Variants in TAFA4 observed in about 807,000 individuals in gnomAD.
TAFA4 encodes TAFA chemokine like family member 4.
In TAFA4, 20 loss-of-function variants were observed where a neutral mutation model predicts 21.1. The ratio of observed to expected loss-of-function variants is 0.95; its 90% CI spans 0.67 to 1.38. The LOEUF is 1.38. Among genes scored for constraint, TAFA4 ranks in the 40% most tolerant of loss-of-function variants. The pLI, the probability that TAFA4 is intolerant of heterozygous loss-of-function variation, is 0.00. For missense variants in TAFA4, 211 were observed against 180.9 expected (o/e 1.17, Z -0.95); for synonymous variants, 71 against 67.4 (o/e 1.05, Z -0.26).
At chr3:68,842,591 T>C (rs1704690258) in intron 3 of TAFA4, among the ~76,000 whole-genome samples, 1 of 152,224 alleles carries the variant, frequency 6.6e-6, no homozygotes, top group South Asian at 2.1e-4. Context: ...CCATTGCTTT[T>C]GGTGTTTTAG....
chr3:68,877,523 CCAAT>C (rs2089564736), intron 3 of TAFA4, among the ~76,000 whole-genome samples: 1 of 152,102 alleles, frequency 6.6e-6, no homozygotes, highest in African/African-American at 2.4e-5. Context: ...TAACTACTTC[CCAAT>C]CAGTGATACA....
intron 4 of TAFA4, among the ~76,000 whole-genome samples, chr3:68,751,723 G>C (rs540392000): frequency 3.9e-5 from 6 of 152,124 alleles, no homozygotes; most frequent in African/African-American, 1.4e-4. Flanking sequence ...CTTATCCCAT[G>C]CTGCATGAAT....
intron 3 of TAFA4, among the ~76,000 whole-genome samples, chr3:68,791,154 A>T (rs1032514455): frequency 1.3e-5 from 2 of 152,216 alleles, no homozygotes; most frequent in African/African-American, 4.8e-5. Context: ...TCTCTGCACA[A>T]CACAAGTATT....
chr3:68,766,151 A>G (rs1702850508), intron 3 of TAFA4, among the ~76,000 whole-genome samples: 1 of 152,100 alleles, frequency 6.6e-6, no homozygotes, highest in African/African-American at 2.4e-5. Flanking sequence ...AGAGAAAGAG[A>G]AGGAGAAAGA....
intron 3 of TAFA4, among the ~76,000 whole-genome samples, chr3:68,789,452 G>A (rs1346661699): frequency 2.0e-5 from 3 of 152,098 alleles, no homozygotes; most frequent in Non-Finnish European, 4.4e-5. Context: ...ACAATGTGAG[G>A]TGATAGATAT....
intron 4 of TAFA4, among the ~76,000 whole-genome samples, chr3:68,752,575 T>C (rs190651720): frequency 1.4e-3 from 209 of 152,222 alleles, no homozygotes; most frequent in African/African-American, 4.7e-3. Context: ...GAGGAAACAA[T>C]TGCTTTGGTG....
chr3:68,902,501 G>T (rs2089854531), intron 1 of TAFA4, among the ~76,000 whole-genome samples: 1 of 152,062 alleles, frequency 6.6e-6, no homozygotes, highest in Non-Finnish European at 1.5e-5. Context: ...CAGAATAGCT[G>T]AGACTACAGG....
intron 4 of TAFA4, among the ~76,000 whole-genome samples, chr3:68,743,646 A>G (rs1474938622): frequency 2.0e-5 from 3 of 151,864 alleles, no homozygotes; most frequent in African/African-American, 4.8e-5. Flanking sequence ...TTCCCCTTGC[A>G]GCTTCATGGA....
chr3:68,858,871 A>T (rs987882003), intron 3 of TAFA4, among the ~76,000 whole-genome samples: 2 of 151,962 alleles, frequency 1.3e-5, no homozygotes, highest in East Asian at 1.9e-4. Context: ...TTTTTTCTTC[A>T]TTCTGGAATA....
intron 3 of TAFA4, among the ~76,000 whole-genome samples, chr3:68,779,982 C>T (rs1027239951): frequency 1.3e-5 from 2 of 152,228 alleles, no homozygotes; most frequent in Admixed American, 1.3e-4. Context: ...AGAGGAGGAG[C>T]TGCCCAAGGC....
intron 4 of TAFA4, among the ~76,000 whole-genome samples, chr3:68,740,745 T>C (rs1006781012): frequency 6.6e-6 from 1 of 152,222 alleles, no homozygotes; most frequent in Non-Finnish European, 1.5e-5. Context: ...AGGACCTTTT[T>C]CCCTATGTTT....
At chr3:68,821,708 T>A (rs531256905) in intron 3 of TAFA4, among the ~76,000 whole-genome samples, 14 of 152,228 alleles carry the variant, frequency 9.2e-5, no homozygotes, top group Admixed American at 7.2e-4. Context: ...TAAACACCAC[T>A]GCTACCCTGG....
chr3:68,885,312 T>A lies in TAFA4; in HGVS notation c.-122-2A>T. ...AAAAATTATCGTAGCTCAGAAGACC[T>A]ATGTTAAAAAGGCCAAAAAAAAAAA... On this transcript the variant is annotated splice_acceptor_variant, in intron 1 of 5. Transcript: ENST00000295569. LOFTEE classifies it low-confidence loss of function (5UTR_SPLICE). 1.3e-6 allele frequency: 1 copy of A among 779,008 alleles called. No individual in the cohort carries two copies. Among genetic ancestry groups the A allele is most frequent in the Non-Finnish European group, 2.0e-6 (1 of 505,262 alleles). 48.3% of individuals were successfully genotyped at this position (779,008 alleles called of 1,614,324 possible).
intron 3 of TAFA4, among the ~76,000 whole-genome samples, chr3:68,763,023 G>C (rs1184525089): frequency 6.6e-6 from 1 of 152,236 alleles, no homozygotes; most frequent in Non-Finnish European, 1.5e-5. Context: ...GGGCAACAGA[G>C]CGAGACTCCT....
chr3:68,793,613 T>G (rs1330332589), intron 3 of TAFA4, among the ~76,000 whole-genome samples: 1 of 152,194 alleles, frequency 6.6e-6, no homozygotes, highest in Non-Finnish European at 1.5e-5. Flanking sequence ...AACAGTTAAC[T>G]GAACTTCATG....
intron 4 of TAFA4, among the ~76,000 whole-genome samples, chr3:68,740,842 C>A (rs1702335254): frequency 6.6e-6 from 1 of 152,174 alleles, no homozygotes; most frequent in Non-Finnish European, 1.5e-5. Context: ...AGTCACAGGT[C>A]TAACTTCATT....
At chr3:68,757,307 GTCAGAT>G (rs1264816162) in intron 3 of TAFA4, among the ~76,000 whole-genome samples, 5 of 152,008 alleles carry the variant, frequency 3.3e-5, no homozygotes, top group Non-Finnish European at 7.4e-5. Flanking sequence ...CATCAGTCCT[GTCAGAT>G]TAAGGCCATG....
At chr3:68,758,358 G>A (rs1702698832) in intron 3 of TAFA4, among the ~76,000 whole-genome samples, 1 of 152,330 alleles carries the variant, frequency 6.6e-6, no homozygotes, top group South Asian at 2.1e-4. Flanking sequence ...TGTCATGGGA[G>A]GGACCTGATG....
At chr3:68,791,186 C>T (rs562802244) in intron 3 of TAFA4, among the ~76,000 whole-genome samples, 13 of 152,328 alleles carry the variant, frequency 8.5e-5, no homozygotes, top group African/African-American at 3.1e-4. Flanking sequence ...TGTGTCCCAT[C>T]AGAAGATATG....
Sources: allele counts gnomAD v4.1 joint callset (sites outside exome capture counted in the v4.1 genomes callset), GRCh38; gene constraint gnomAD v4.1.1; transcripts MANE v1.5; gene names NCBI Gene and HGNC (gene_info 2026-07-23, HGNC 2026-07-21).